The following NTM variants were observed in gnomAD, a reference collection of about 807,000 sequenced individuals.
NTM encodes the protein IgLON family member 2.
In NTM, 13 loss-of-function variants were observed where a neutral mutation model predicts 42.1. The ratio of observed to expected loss-of-function variants is 0.31; its 90% CI spans 0.20 to 0.49. The LOEUF (loss-of-function observed/expected upper bound fraction) is 0.49. Among genes scored for constraint, NTM ranks in the 20% least tolerant of loss-of-function variants. The pLI, the probability that NTM is intolerant of heterozygous loss-of-function variation, is 0.99. For synonymous variants in NTM, 187 were observed against 179.2 expected (o/e 1.04, Z -0.35); for missense variants, 373 against 452.8 (o/e 0.82, Z 1.60).
intron 1 of NTM, among the ~76,000 whole-genome samples, chr11:131,842,633 G>T (rs959495027): frequency 6.6e-6 from 1 of 152,176 alleles, no homozygotes; most frequent in Non-Finnish European, 1.5e-5. Flanking sequence ...CATTGCAAGA[G>T]AAGTACATTA....
chr11:131,690,106 C>T (rs2074464037), intron 1 of NTM, among the ~76,000 whole-genome samples: 1 of 152,076 alleles, frequency 6.6e-6, no homozygotes, highest in South Asian at 2.1e-4. Flanking sequence ...CACGTCTGTC[C>T]CTGAGCTCAC....
intron 2 of NTM, among the ~76,000 whole-genome samples, chr11:131,987,392 T>G (rs2066242995): frequency 8.5e-6 from 1 of 117,486 alleles, no homozygotes; most frequent in African/African-American, 2.6e-5. Flanking sequence ...TTCTATTCTA[T>G]TCTATTCTAT....
chr11:131,543,057 C>T (rs184664419), intron 1 of NTM, among the ~76,000 whole-genome samples: 103 of 152,318 alleles, frequency 6.8e-4, no homozygotes, highest in African/African-American at 2.4e-3. Flanking sequence ...TCCCAGGGAG[C>T]TGAGGATGAA....
At chr11:132,253,041 C>T (rs1049240042) in intron 4 of NTM, among the ~76,000 whole-genome samples, 4 of 152,340 alleles carry the variant, frequency 2.6e-5, no homozygotes, top group African/African-American at 9.6e-5. Flanking sequence ...ATTCTAAAGC[C>T]ATAGTAGGCT....
chr11:131,640,607 A>G (rs1035496987), intron 1 of NTM, among the ~76,000 whole-genome samples: 2 of 152,172 alleles, frequency 1.3e-5, no homozygotes, highest in African/African-American at 2.4e-5. Flanking sequence ...CAGAGGCCAC[A>G]CTTGCAGGAT....
chr11:131,708,961 G>A (rs907677911), intron 1 of NTM, among the ~76,000 whole-genome samples: 1 of 152,156 alleles, frequency 6.6e-6, no homozygotes, highest in Non-Finnish European at 1.5e-5. Flanking sequence ...GAATTGTAAC[G>A]GTCCTCACTT....
At chr11:132,034,155 G>C (rs1319463141) in intron 2 of NTM, among the ~76,000 whole-genome samples, 1 of 152,176 alleles carries the variant, frequency 6.6e-6, no homozygotes, top group East Asian at 1.9e-4. Flanking sequence ...ATTTCAGAAT[G>C]AGAAAAATCT....
intron 1 of NTM, among the ~76,000 whole-genome samples, chr11:131,594,248 C>T (rs1298316694): frequency 6.6e-6 from 1 of 152,120 alleles, no homozygotes; most frequent in African/African-American, 2.4e-5. Flanking sequence ...ATGCTAAGTC[C>T]TGTAGATTTT....
intron 1 of NTM, among the ~76,000 whole-genome samples, chr11:131,465,511 C>T (rs1951799937): frequency 6.6e-6 from 1 of 152,094 alleles, no homozygotes; most frequent in South Asian, 2.1e-4. Context: ...CTTACTATGT[C>T]TTCTCTTCCA....
At chr11:132,252,148 A>G (rs2092013947) in intron 4 of NTM, among the ~76,000 whole-genome samples, 1 of 150,722 alleles carries the variant, frequency 6.6e-6, no homozygotes, top group Non-Finnish European at 1.5e-5. Flanking sequence ...GCTCAGCGTC[A>G]GTTCTACTTG....
intron 4 of NTM, among the ~76,000 whole-genome samples, chr11:132,273,810 G>A (rs1247614321): frequency 6.6e-6 from 1 of 152,178 alleles, no homozygotes; most frequent in Non-Finnish European, 1.5e-5. Context: ...GGGAGGCTGA[G>A]GTAGGAGAAT....
At chr11:131,686,369 TA>T (rs1416884243) in intron 1 of NTM, among the ~76,000 whole-genome samples, 1 of 152,240 alleles carries the variant, frequency 6.6e-6, no homozygotes, top group African/African-American at 2.4e-5. Flanking sequence ...TTATATACCA[TA>T]ATCTCACAAT....
intron 1 of NTM, among the ~76,000 whole-genome samples, chr11:131,492,939 C>A (rs1954950185): frequency 6.6e-6 from 1 of 152,204 alleles, no homozygotes; most frequent in South Asian, 2.1e-4. Flanking sequence ...AACTTAGGGC[C>A]AGGTGTGGTG....
Position 131,777,281 on chromosome 11 carries a change from C to T in NTM, c.83-134283C>T, listed in dbSNP as rs138710846. Among the ~76,000 whole-genome samples the T allele has an allele frequency of 2.1e-4, 32 of 152,236 alleles. No individual in the cohort carries two copies. In the East Asian group the frequency reaches 4.2e-3, roughly 20 times the overall value. On this transcript the variant is annotated intron_variant, in intron 1 of 8. Coordinates refer to ENST00000683400, the MANE Select transcript of NTM (RefSeq NM_001352005.2). The stretch of plus-strand genomic sequence containing the variant: ...AATAAAGAAAGCACATACATTCACA[C>T]GCATGCAGATACCCATACACATACA...
intron 2 of NTM, among the ~76,000 whole-genome samples, chr11:131,935,870 T>G (rs2059155570): frequency 6.6e-6 from 1 of 152,212 alleles, no homozygotes; most frequent in South Asian, 2.1e-4. Flanking sequence ...AATCTCACTT[T>G]TTAATAAAAT....
chr11:131,433,542 C>T (rs1045060119), intron 1 of NTM, among the ~76,000 whole-genome samples: 1 of 152,064 alleles, frequency 6.6e-6, no homozygotes, highest in Admixed American at 6.5e-5. Context: ...TCAGTTACTT[C>T]CTGAGGAAAG....
At chr11:131,658,646 A>T (rs2067533620) in intron 1 of NTM, among the ~76,000 whole-genome samples, 2 of 152,350 alleles carry the variant, frequency 1.3e-5, no homozygotes, top group Non-Finnish European at 2.9e-5. Flanking sequence ...GCAAAGCCAC[A>T]GAGCAGAGAC....
chr11:131,612,549 A>G (rs1040266602), intron 1 of NTM, among the ~76,000 whole-genome samples: 1 of 152,270 alleles, frequency 6.6e-6, no homozygotes, highest in Admixed American at 6.5e-5. Context: ...CATGGAGGGA[A>G]GCAAAGCTCA....
At chr11:132,192,723 G>A (rs1172049298) in intron 3 of NTM, among the ~76,000 whole-genome samples, 2 of 152,040 alleles carry the variant, frequency 1.3e-5, no homozygotes, top group Non-Finnish European at 2.9e-5. Context: ...GTATTAAGAA[G>A]CAAGACCCAA....
Sources: allele counts gnomAD v4.1 joint callset (sites outside exome capture counted in the v4.1 genomes callset), GRCh38; gene constraint gnomAD v4.1.1; transcripts MANE v1.5; gene names NCBI Gene and HGNC (gene_info 2026-07-23, HGNC 2026-07-21).